Variants in COX4I1 observed in about 807,000 individuals in gnomAD.
COX4I1 encodes cytochrome c oxidase subunit 4I1, also known as cytochrome c oxidase subunit 4 isoform 1, mitochondrial.
COX4I1 carries 18 observed loss-of-function variants against 21.7 expected under a neutral mutation model. That is an observed-to-expected ratio of 0.83 (90% CI 0.57 to 1.23). The LOEUF (loss-of-function observed/expected upper bound fraction) is 1.23. Among genes scored for constraint, COX4I1 ranks in the 50% most tolerant of loss-of-function variants. The probability of loss-of-function intolerance (pLI) is 0.00; values close to 1 mark genes in which losing one functional copy is unlikely to be tolerated. For missense variants in COX4I1, 238 were observed against 220.7 expected, an observed-to-expected ratio of 1.08 and a Z score of -0.50; for synonymous variants, 100 against 81.5, an observed-to-expected ratio of 1.23 and a Z score of -1.23.
chr16:85,806,537 A>C (rs1277337482), intron 4 of COX4I1: 1 of 775,564 alleles, frequency 1.3e-6, no homozygotes, highest in East Asian at 2.7e-5. Flanking sequence ...TTTTGTTGCT[A>C]ACTTTTTACA....
chr16:85,802,721 T>C (rs978384146), intron 2 of COX4I1, among the ~76,000 whole-genome samples: 4 of 152,192 alleles, frequency 2.6e-5, no homozygotes, highest in Non-Finnish European at 5.9e-5. Context: ...TTCCTTACAA[T>C]CTGGAGTCTT....
chr16:85,801,055 T>C, intron 1 of COX4I1, 150 bp from the exon 2 acceptor site: 1 of 583,756 alleles, frequency 1.7e-6, no homozygotes, highest in Non-Finnish European at 3.1e-6. Flanking sequence ...CTAGGTCATT[T>C]TGTGAATTCA....
chr16:85,800,258 C>G (rs1905593933), intron 1 of COX4I1, among the ~76,000 whole-genome samples: 1 of 152,230 alleles, frequency 6.6e-6, no homozygotes, highest in Non-Finnish European at 1.5e-5. Flanking sequence ...TATTCTGCCC[C>G]AAGGAGGGTA....
At position 85,805,775 on chromosome 16, in the gene COX4I1, G is replaced by C; in HGVS notation, c.284G>C (p.Arg95Thr). Reference protein sequence around the residue: ...KFKESFAEMNRGSNEWKTVVG... With the variant: ...KFKESFAEMNTGSNEWKTVVG... ...AAGGAGAGCTTTGCTGAGATGAACA[G>C]GGGCTCGAACGAGTGGAAGACGGTT... Residue 95 changes from arginine to threonine, a missense_variant, in exon 4 of 5, where the codon AGG becomes ACG. Physicochemically the swap from Arg to Thr is moderately conservative, Grantham distance 71. Transcript: ENST00000253452. The C allele has an allele frequency of 6.2e-7, 1 of 1,614,268 alleles. No individual in the cohort carries two copies. Among genetic ancestry groups the C allele is most frequent in the Non-Finnish European group, 8.5e-7 (1 of 1,180,056 alleles).
chr16:85,801,100 G>A (rs1905707036), intron 1 of COX4I1, 105 bp from the exon 2 acceptor site: 6 of 832,486 alleles, frequency 7.2e-6, no homozygotes, highest in Non-Finnish European at 1.2e-5. Context: ...TTTGCGTTGG[G>A]GAGAAGCAAA....
rs751877897 is a variant in COX4I1, at chr16:85,806,812, G to C, written c.448G>C (p.Val150Leu). Reference protein sequence around the residue: ...KQTKRMLDMKVNPIQGLASKW... With the variant: ...KQTKRMLDMKLNPIQGLASKW... ...GACCAAGAGGATGCTGGACATGAAG[G>C]TGAACCCCATCCAGGGCTTAGCCTC... Residue 150 changes from valine (V) to leucine (L), a missense_variant, in exon 5 of 5, where the codon GTG (valine) becomes CTG (leucine). Physicochemically the swap from Val to Leu is conservative, Grantham distance 32. Transcript: ENST00000253452. 1 of 1,614,224 alleles carries C rather than the reference G, an allele frequency of 6.2e-7. No homozygotes were observed.
At chr16:85,804,266 G>C (rs1442288371) in intron 2 of COX4I1, 1 of 152,258 alleles carries the variant, frequency 6.6e-6, no homozygotes, top group East Asian at 1.9e-4. Flanking sequence ...ATTAGTTTGA[G>C]TCCCTTGCAG....
intron 4 of COX4I1, chr16:85,806,273 C>G (rs1253729590): frequency 1.7e-6 from 1 of 600,556 alleles, no homozygotes; most frequent in Non-Finnish European, 2.9e-6. Context: ...TCTGGGGGTC[C>G]CGACCTGATA....
intron 2 of COX4I1, 124 bp downstream of exon 2, chr16:85,801,402 A>G (rs184323956): frequency 2.9e-6 from 2 of 685,088 alleles, no homozygotes; most frequent in African/African-American, 3.5e-5. Context: ...TTTAGGGGAG[A>G]TATAAATGTT....
Position 85,804,991 on chromosome 16 carries a change from A to G in COX4I1, c.128A>G (p.Asp43Gly). 1 of 1,614,126 alleles carries G rather than the reference A, an allele frequency of 6.2e-7. No homozygotes were observed. Among genetic ancestry groups the G allele is most frequent in the Non-Finnish European group, 8.5e-7 (1 of 1,179,996 alleles). The change falls in exon 3 of 5, where the codon GAC becomes GGC. Residue 43 changes from aspartate to glycine, a missense_variant. By Grantham distance (94) the Asp-to-Gly change is moderately conservative. Coordinates refer to ENST00000253452, the MANE Select transcript of COX4I1 (RefSeq NM_001861.6). ...CTCCCAGCTTATATGGATCGGCGTG[A>G]CCACCCCTTGCCGGAGGTGGCCCAT... ...FSLPAYMDRR[D>G]HPLPEVAHVK...
At chr16:85,803,668 C>G (rs1905938889) in intron 2 of COX4I1, 1 of 152,256 alleles carries the variant, frequency 6.6e-6, no homozygotes, top group Non-Finnish European at 1.5e-5. Flanking sequence ...GAAATCCTCA[C>G]TCAGATCTTC....
rs1219983440 is a variant in COX4I1, at chr16:85,805,021, A to G, written c.158A>G (p.Lys53Arg). The change falls in exon 3 of 5, where the codon AAG (lysine) becomes AGG (arginine). Residue 53 changes from lysine to arginine, a missense_variant. Transcript: ENST00000253452. The part of the protein sequence containing the change: ...DHPLPEVAHV[K>R]HLSASQKALK... The stretch of plus-strand genomic sequence containing the variant: ...CCCTTGCCGGAGGTGGCCCATGTCA[A>G]GCACCTGTCTGCCAGCCAGAAGGCA... 5 of 1,614,216 alleles carry G rather than the reference A, an allele frequency of 3.1e-6. No homozygotes were observed. The South Asian group carries it at 3.3e-5, about 11-fold the overall frequency.
At chr16:85,803,738 C>G (rs1439283278) in intron 2 of COX4I1, 1 of 152,192 alleles carries the variant, frequency 6.6e-6, no homozygotes, top group Non-Finnish European at 1.5e-5. Flanking sequence ...CGTTTCGTTA[C>G]GCGTATGTGA....
At chr16:85,802,046 T>C (rs1011824563) in intron 2 of COX4I1, among the ~76,000 whole-genome samples, 1 of 151,866 alleles carries the variant, frequency 6.6e-6, no homozygotes, top group African/African-American at 2.4e-5. Context: ...CTTAGTAGAG[T>C]CTACACCCTG....
At chr16:85,805,188 A>G in intron 3 of COX4I1, 84 bp downstream of exon 3, 3 of 1,282,230 alleles carry the variant, frequency 2.3e-6, no homozygotes, top group South Asian at 1.5e-5. Flanking sequence ...TTCTGGGCCT[A>G]CTGTCTAGAG....
At position 85,806,742 on chromosome 16, in the gene COX4I1, C is replaced by T. The variant is rs1232663455; in HGVS notation, c.378C>T (p.Tyr126=). 23 of 1,613,946 alleles carry T rather than the reference C, an allele frequency of 1.4e-5. No individual in the cohort carries two copies. The highest frequency in any genetic ancestry group is 1.9e-5 in the Non-Finnish European group (22 of 1,179,994). The part of the protein sequence containing the change: ...LVIMWQKHYV[Y]GPLPQSFDKE... Reference sequence around the variant, plus strand: ...ATAACCTGTCTCACACCGTAGTGTACGGCCCCCTCCCGCAAAGCTTTGACA... The same window carrying T: ...ATAACCTGTCTCACACCGTAGTGTATGGCCCCCTCCCGCAAAGCTTTGACA... The change falls in exon 5 of 5, where the codon TAC becomes TAT. Residue 126 remains tyrosine, a synonymous_variant. Coordinates refer to ENST00000253452, the MANE Select transcript of COX4I1 (RefSeq NM_001861.6).
intron 1 of COX4I1, among the ~76,000 whole-genome samples, chr16:85,800,753 A>G (rs1194677667): frequency 6.6e-6 from 1 of 151,980 alleles, no homozygotes; most frequent in Non-Finnish European, 1.5e-5. Context: ...CCTCCCAAGT[A>G]GCGGGGATTA....
At chr16:85,805,266 G>A in intron 3 of COX4I1, 162 bp downstream of exon 3, 3 of 663,802 alleles carry the variant, frequency 4.5e-6, no homozygotes, top group Non-Finnish European at 7.4e-6. Context: ...CAGTTTATGT[G>A]CTCACCAGTC....
At chr16:85,800,098 G>T (rs570290692) in intron 1 of COX4I1, among the ~76,000 whole-genome samples, 1 of 152,266 alleles carries the variant, frequency 6.6e-6, no homozygotes, top group Admixed American at 6.5e-5. Flanking sequence ...TCCTTCAAAA[G>T]GTCCCTGTGC....
Sources: allele counts gnomAD v4.1 joint callset (sites outside exome capture counted in the v4.1 genomes callset), GRCh38; gene constraint gnomAD v4.1.1; transcripts MANE v1.5; gene names NCBI Gene and HGNC (gene_info 2026-07-23, HGNC 2026-07-21).